Variants in FUT8 observed in about 807,000 individuals in gnomAD.
FUT8 encodes alpha-(1,6)-fucosyltransferase.
FUT8 carries 29 observed loss-of-function variants against 71.3 expected under a neutral mutation model. The observed-to-expected ratio is 0.41, with a 90% CI of 0.30 to 0.55. The LOEUF (loss-of-function observed/expected upper bound fraction) is 0.55, where lower values mean the gene tolerates loss of function less well. Ranked by LOEUF, FUT8 falls within the 20% of genes least tolerant of loss-of-function variation. FUT8 has a pLI of 0.34. For missense variants in FUT8, 544 were observed against 702.1 expected, an observed-to-expected ratio of 0.77 and a Z score of 2.55; for synonymous variants, 254 against 239.3, an observed-to-expected ratio of 1.06 and a Z score of -0.57.
intron 7 of FUT8, among the ~76,000 whole-genome samples, chr14:65,700,094 T>C (rs1894206638): frequency 6.6e-6 from 1 of 152,130 alleles, no homozygotes; most frequent in Admixed American, 6.5e-5. Flanking sequence ...CATAATCTGA[T>C]TATGTTGTAT....
At chr14:65,596,628 T>C (rs189979047) in intron 3 of FUT8, among the ~76,000 whole-genome samples, 1 of 152,328 alleles carries the variant, frequency 6.6e-6, no homozygotes, top group Admixed American at 6.5e-5. Flanking sequence ...TTAGATAATT[T>C]TCAACCAATA....
intron 3 of FUT8, among the ~76,000 whole-genome samples, chr14:65,611,407 A>G (rs1429684970): frequency 1.3e-5 from 2 of 151,606 alleles, no homozygotes; most frequent in Non-Finnish European, 2.9e-5. Context: ...TTTTTTTTAA[A>G]GAACCAGATT....
chr14:65,500,965 G>A (rs921502187), intron 2 of FUT8, among the ~76,000 whole-genome samples: 10 of 152,042 alleles, frequency 6.6e-5, no homozygotes, highest in Admixed American at 1.3e-4. Flanking sequence ...TGTGCTTCTT[G>A]TATCCATTTC....
At chr14:65,683,645 C>T (rs1333655194) in intron 7 of FUT8, among the ~76,000 whole-genome samples, 1 of 151,934 alleles carries the variant, frequency 6.6e-6, no homozygotes, top group Non-Finnish European at 1.5e-5. Flanking sequence ...GTTAAATAAT[C>T]AAATATTTGG....
At chr14:65,523,757 G>T (rs1269163053) in intron 2 of FUT8, among the ~76,000 whole-genome samples, 1 of 152,182 alleles carries the variant, frequency 6.6e-6, no homozygotes, top group Non-Finnish European at 1.5e-5. Flanking sequence ...TGTATAAGGT[G>T]TAAGGAAGGG....
At chr14:65,589,105 C>T (rs901519809) in intron 3 of FUT8, among the ~76,000 whole-genome samples, 1 of 152,174 alleles carries the variant, frequency 6.6e-6, no homozygotes, top group Non-Finnish European at 1.5e-5. Context: ...AAAAGACAGA[C>T]ATTTTTAGAA....
intron 9 of FUT8, among the ~76,000 whole-genome samples, chr14:65,729,456 TA>T: frequency 6.6e-6 from 1 of 152,226 alleles, no homozygotes; most frequent in South Asian, 2.1e-4. Flanking sequence ...GACGTATGCC[TA>T]AAATTATCCA....
intron 2 of FUT8, among the ~76,000 whole-genome samples, chr14:65,518,453 T>C (rs2898817): frequency 0.062 from 9,391 of 152,282 alleles, 516 homozygotes; most frequent in South Asian, 0.2. Context: ...CTACAGCCTA[T>C]GAATGTGATT....
Position 65,627,769 on chromosome 14 carries a change from C to T in FUT8, c.483-1723C>T, listed in dbSNP as rs1594833761. ...ACTCACACAACTCTTGAAAACTTAT[C>T]AGGAAGCTGCTGATGACCAGCTTCA... On this transcript the variant is annotated intron_variant, in intron 5 of 10. Transcript: ENST00000673929. The surrounding 1 kb of genome is among the most constrained non-coding windows in gnomAD (Gnocchi z 4.0). Among the ~76,000 whole-genome samples the T allele has an allele frequency of 6.6e-6, 1 of 152,192 alleles. No homozygotes were observed. Among genetic ancestry groups the T allele is most frequent in the Admixed American group, 6.5e-5 (1 of 15,274 alleles).
chr14:65,468,766 G>A lies in FUT8; in HGVS notation c.-228+13048G>A, dbSNP rs544030294. On this transcript the variant is annotated intron_variant, in intron 2 of 10. Transcript: ENST00000673929. ...ATTGATTTGTACACTCCCCTTCCTC[G>A]CCTCCCCTCTTCACTGTTTTTTCCT... 2.6e-5 allele frequency among the ~76,000 whole-genome samples: 4 copies of A among 151,584 alleles called. No homozygotes were observed. In the South Asian group the frequency reaches 6.3e-4, roughly 24 times the overall value.
At chr14:65,384,854 G>T in the FUT8 span, among the ~76,000 whole-genome samples, 2 of 150,760 alleles carry the variant, frequency 1.3e-5, no homozygotes, top group African/African-American at 4.9e-5. This position sits in a 1 kb window ranked among gnomAD's most constrained non-coding sequence, Gnocchi z 4.2. Flanking sequence ...CTTCTTGCTG[G>T]ACTTTTCCCT....
intron 2 of FUT8, among the ~76,000 whole-genome samples, chr14:65,556,257 C>T (rs1167324047): frequency 2.6e-5 from 4 of 152,138 alleles, no homozygotes; most frequent in Non-Finnish European, 5.9e-5. Flanking sequence ...AGGTGAGGGT[C>T]TTTAAAAAGC....
intron 2 of FUT8, among the ~76,000 whole-genome samples, chr14:65,492,488 A>G (rs2066496402): frequency 6.6e-6 from 1 of 152,124 alleles, no homozygotes; most frequent in African/African-American, 2.4e-5. Context: ...CTTTTTCTGT[A>G]TGTCACTTCC....
At chr14:65,471,740 G>T (rs1228947457) in intron 2 of FUT8, among the ~76,000 whole-genome samples, 1 of 144,050 alleles carries the variant, frequency 6.9e-6, no homozygotes, top group Non-Finnish European at 1.5e-5. Flanking sequence ...TGGATTATCA[G>T]TTTTTTTTTT....
intron 3 of FUT8, among the ~76,000 whole-genome samples, chr14:65,596,494 TCTTACA>T (rs1887986643): frequency 6.6e-6 from 1 of 152,232 alleles, no homozygotes; most frequent in African/African-American, 2.4e-5. Flanking sequence ...TGTCTTCCTT[TCTTACA>T]TGATCAGCTA....
At chr14:65,566,327 T>G (rs61987982) in intron 3 of FUT8, among the ~76,000 whole-genome samples, 2,789 of 152,086 alleles carry the variant, frequency 0.018, 43 homozygotes, top group Middle Eastern at 0.027. Flanking sequence ...TCAAGAGGCC[T>G]ACCCATATTC....
intron 1 of FUT8, among the ~76,000 whole-genome samples, chr14:65,418,281 C>T (rs965279397): frequency 6.6e-6 from 1 of 152,118 alleles, no homozygotes; most frequent in African/African-American, 2.4e-5. Flanking sequence ...CTGTCTAAGT[C>T]TTATTTGATC....
Position 65,742,372 on chromosome 14 carries a change from A to G in FUT8, c.1690A>G (p.Thr564Ala). 1.9e-6 allele frequency: 3 copies of G among 1,612,638 alleles called. No homozygotes were observed. Among genetic ancestry groups the G allele is most frequent in the Non-Finnish European group, 2.5e-6 (3 of 1,179,126 alleles). The part of the protein sequence containing the change: ...PSYKVREKIE[T>A]VKYPTYPEAE... ...CTACAAAGTTCGAGAGAAGATAGAA[A>G]CGGTCAAGTACCCCACATATCCTGA... Residue 564 changes from threonine to alanine, a missense_variant, in exon 11 of 11, where the codon ACG becomes GCG. Physicochemically the swap from Thr to Ala is moderately conservative, Grantham distance 58. Coordinates refer to ENST00000673929, the MANE Select transcript of FUT8 (RefSeq NM_001371533.1).
At chr14:65,420,837 A>G (rs754480717) in intron 1 of FUT8, among the ~76,000 whole-genome samples, 2 of 152,194 alleles carry the variant, frequency 1.3e-5, no homozygotes, top group Admixed American at 6.5e-5. Flanking sequence ...CAACTAACAC[A>G]TTGTACCTTA....
Sources: allele counts gnomAD v4.1 joint callset (sites outside exome capture counted in the v4.1 genomes callset), GRCh38; gene constraint gnomAD v4.1.1; non-coding constraint Gnocchi (gnomAD v3.1); transcripts MANE v1.5; gene names NCBI Gene and HGNC (gene_info 2026-07-23, HGNC 2026-07-21).